Variants in ZNF623 observed in about 807,000 individuals in gnomAD.
ZNF623 encodes zinc finger protein 623.
A neutral mutation model predicts 24.0 loss-of-function variants in ZNF623; 16 were observed. That is an observed-to-expected ratio of 0.67 (90% confidence interval 0.45 to 1.01). The LOEUF (loss-of-function observed/expected upper bound fraction) is 1.01. Ranked by LOEUF, ZNF623 falls within the 50% of genes least tolerant of loss-of-function variation. The probability of loss-of-function intolerance (pLI) is 0.00; values close to 1 mark genes in which losing one functional copy is unlikely to be tolerated. For missense variants in ZNF623, 566 were observed against 606.5 expected (o/e 0.93, Z 0.70); for synonymous variants, 224 against 219.8 (o/e 1.02, Z -0.17).
intron 1 of ZNF623, among the ~76,000 whole-genome samples, chr8:143,647,042 G>A (rs892381004): frequency 2.6e-5 from 4 of 152,108 alleles, no homozygotes; most frequent in East Asian, 3.9e-4. Context: ...TCTCGCAGTC[G>A]ATGGCTGCTT....
In ZNF623 at chr8:143,651,434, A is replaced by C. The variant is rs202241170; in HGVS notation, c.1442A>C (p.His481Pro). ...EGLSLSKAPI[H>P]LGERSVDKGE... ...CTCTCCTTGAGTAAGGCCCCCATAC[A>C]TTTGGGTGAGAGGTCTGTAGATAAG... The change falls in exon 2 of 2, where the codon CAT (histidine) becomes CCT (proline). Residue 481 changes from histidine (H) to proline (P), a missense_variant. Physicochemically the swap from His to Pro is moderately conservative, Grantham distance 77. Transcript: ENST00000526926. The C allele has an allele frequency of 3.1e-6, 5 of 1,609,602 alleles. No homozygotes were observed. The Admixed American group carries it at 5.1e-5, about 16-fold the overall frequency.
Position 143,653,259 on chromosome 8 carries a change from C to T in ZNF623, c.*1776C>T, listed in dbSNP as rs73369359. ...TGAACCCCAAAGTCCAGTTTTGTAA[C>T]GATATAATTTTTTTCTCATGAGGCC... On this transcript the variant is annotated 3_prime_UTR_variant, in exon 2 of 2. Coordinates refer to ENST00000526926, the MANE Select transcript of ZNF623 (RefSeq NM_001261843.2). 0.031 allele frequency: 5,215 copies of T among 166,956 alleles called. 280 individuals are homozygous for T. Among genetic ancestry groups the T allele is most frequent in the African/African-American group, 0.12 (4,849 of 41,436 alleles). 10.3% of individuals were successfully genotyped at this position (166,956 alleles called of 1,614,324 possible). A position where few individuals can be genotyped will look rare whatever the true frequency, so the allele number is the denominator to read the frequency against.
In ZNF623 at chr8:143,651,408, A is replaced by G. The variant is rs771121112; in HGVS notation, c.1416A>G (p.Gly472=). The G allele has an allele frequency of 1.9e-6, 3 of 1,613,780 alleles. No individual in the cohort carries two copies. The South Asian group carries it at 3.3e-5, about 18-fold the overall frequency. Residue 472 remains glycine, a synonymous_variant, in exon 2 of 2, where the codon GGA becomes GGG. Transcript: ENST00000526926. ...ATAATCAAAGGGTTCACCAAGAGGG[A>G]CTCTCCTTGAGTAAGGCCCCCATAC... ...VKNNQRVHQE[G]LSLSKAPIHL... is the part of the protein sequence containing the mutation.
chr8:143,649,051 G>A (rs1815232809), intron 1 of ZNF623, among the ~76,000 whole-genome samples: 1 of 152,036 alleles, frequency 6.6e-6, no homozygotes, highest in South Asian at 2.1e-4. Context: ...GCCGAGGCGG[G>A]CAGATCACGA....
chr8:143,639,050 A>G (rs1587323094), intron 1 of ZNF623, among the ~76,000 whole-genome samples: 1 of 151,148 alleles, frequency 6.6e-6, no homozygotes, highest in Non-Finnish European at 1.5e-5. Flanking sequence ...GTGCCACCAC[A>G]CCTGGCTAAT....
chr8:143,646,546 C>CGTGTGT (rs60526625), intron 1 of ZNF623, among the ~76,000 whole-genome samples: 24,319 of 149,352 alleles, frequency 0.16, 2,298 homozygotes, highest in East Asian at 0.45. Flanking sequence ...GGGGTGTGTG[C>CGTGTGT]GTGTGTGTGT....
chr8:143,645,054 G>A (rs1815140259), intron 1 of ZNF623, among the ~76,000 whole-genome samples: 1 of 152,014 alleles, frequency 6.6e-6, no homozygotes, highest in African/African-American at 2.4e-5. Flanking sequence ...CTGGAACCCG[G>A]GAGCTGGAGA....
Position 143,650,497 on chromosome 8 carries a change from T to G in ZNF623, c.505T>G (p.Cys169Gly). 6.2e-7 allele frequency: 1 copy of G among 1,614,178 alleles called. No homozygotes were observed. Among genetic ancestry groups the G allele is most frequent in the Non-Finnish European group, 8.5e-7 (1 of 1,180,038 alleles). The change falls in exon 2 of 2, where the codon TGT becomes GGT. Residue 169 changes from cysteine (C) to glycine (G), a missense_variant. Transcript: ENST00000526926. This position sits in a 1 kb window ranked among gnomAD's most constrained non-coding sequence, Gnocchi z 5.2. Reference protein sequence around the residue: ...RVHSGEKPFKCAQCGKAFCHS... With the variant: ...RVHSGEKPFKGAQCGKAFCHS... Reference sequence around the variant, plus strand: ...TCATTCAGGAGAAAAGCCCTTCAAATGTGCGCAGTGTGGGAAGGCGTTTTG... The same window carrying G: ...TCATTCAGGAGAAAAGCCCTTCAAAGGTGCGCAGTGTGGGAAGGCGTTTTG...
intron 1 of ZNF623, among the ~76,000 whole-genome samples, chr8:143,647,895 G>C (rs1359534311): frequency 6.6e-6 from 1 of 152,224 alleles, no homozygotes; most frequent in East Asian, 1.9e-4. Flanking sequence ...GCTGGGCATG[G>C]TTTTGAACAG....
intron 1 of ZNF623, 194 bp downstream of exon 1, chr8:143,636,339 C>T (rs1162154002): frequency 6.6e-6 from 1 of 152,270 alleles, no homozygotes; most frequent in Non-Finnish European, 1.5e-5. Context: ...CCACGGCCGC[C>T]CCCGCGAGGC....
intron 1 of ZNF623, among the ~76,000 whole-genome samples, chr8:143,640,689 C>G (rs991531791): frequency 2.0e-5 from 3 of 152,110 alleles, no homozygotes; most frequent in Admixed American, 2.0e-4. Context: ...GCCTGTAATC[C>G]CAGCACTTTG....
chr8:143,636,541 G>GT (rs1814927450), intron 1 of ZNF623: 1 of 152,394 alleles, frequency 6.6e-6, no homozygotes, highest in African/African-American at 2.4e-5. Flanking sequence ...CCGCAGACAT[G>GT]TTTTACGGTG....
chr8:143,646,945 A>G (rs886250267), intron 1 of ZNF623, among the ~76,000 whole-genome samples: 3 of 151,768 alleles, frequency 2.0e-5, no homozygotes, highest in Non-Finnish European at 2.9e-5. Flanking sequence ...GGATTACAGG[A>G]GTGAGCCACT....
intron 1 of ZNF623, among the ~76,000 whole-genome samples, chr8:143,639,804 G>T (rs951608138): frequency 6.6e-6 from 1 of 152,156 alleles, no homozygotes; most frequent in East Asian, 1.9e-4. Flanking sequence ...CTCTCTTAAA[G>T]GTAGGGTTGG....
rs1472648590 is a variant in ZNF623 at position 143,649,898 on chromosome 8, A to G, written c.-95A>G. Reference sequence around the variant, plus strand: ...ATGATTTTGTTGTCTTTTGTTTCAGATTCTAATGTAGGAACTGGTGAGAAG... The same window carrying G: ...ATGATTTTGTTGTCTTTTGTTTCAGGTTCTAATGTAGGAACTGGTGAGAAG... On this transcript the variant is annotated splice_region_variant and 5_prime_UTR_variant, in exon 2 of 2. Coordinates refer to ENST00000526926, the MANE Select transcript of ZNF623 (RefSeq NM_001261843.2). 1 of 1,603,026 alleles carries G rather than the reference A, an allele frequency of 6.2e-7. No individual in the cohort carries two copies. Among genetic ancestry groups the G allele is most frequent in the Admixed American group, 1.7e-5 (1 of 58,912 alleles).
chr8:143,637,161 TC>T (rs1322927646), intron 1 of ZNF623, among the ~76,000 whole-genome samples: 2 of 152,136 alleles, frequency 1.3e-5, no homozygotes, highest in Non-Finnish European at 1.5e-5. Context: ...TCCCTGAACT[TC>T]CGGGGCATCG....
chr8:143,645,168 GC>G (rs1815144552), intron 1 of ZNF623, among the ~76,000 whole-genome samples: 3 of 150,408 alleles, frequency 2.0e-5, no homozygotes, highest in Non-Finnish European at 4.4e-5. Flanking sequence ...GGTCGGCCGA[GC>G]GTGGTGGCTC....
intron 1 of ZNF623, among the ~76,000 whole-genome samples, chr8:143,641,502 G>A (rs1376456387): frequency 3.3e-4 from 1 of 3,032 alleles, no homozygotes; most frequent in African/African-American, 3.3e-4. Flanking sequence ...GTCTTGCTCT[G>A]TCGCCCAGGC....
At chr8:143,638,792 CA>C (rs1283786372) in intron 1 of ZNF623, among the ~76,000 whole-genome samples, 1 of 151,812 alleles carries the variant, frequency 6.6e-6, no homozygotes. Context: ...AAAAAATAAA[CA>C]GCTTGTTTCC....
Sources: allele counts gnomAD v4.1 joint callset (sites outside exome capture counted in the v4.1 genomes callset), GRCh38; gene constraint gnomAD v4.1.1; non-coding constraint Gnocchi (gnomAD v3.1); transcripts MANE v1.5; gene names NCBI Gene and HGNC (gene_info 2026-07-23, HGNC 2026-07-21).